Variants in LYPLAL1 observed in about 807,000 individuals in gnomAD.
LYPLAL1 encodes the protein lysophospholipase-like protein 1.
A neutral mutation model predicts 19.7 loss-of-function variants in LYPLAL1; 23 were observed. That is an observed-to-expected ratio of 1.17 (90% CI 0.84 to 1.65). The LOEUF is 1.65. Among genes scored for constraint, LYPLAL1 ranks in the 40% most tolerant of loss-of-function variants. LYPLAL1 has a pLI of 0.00. For synonymous variants in LYPLAL1, 119 were observed against 96.3 expected (o/e 1.24, Z -1.38); for missense variants, 355 against 279.4 (o/e 1.27, Z -1.93).
the LYPLAL1 span, among the ~76,000 whole-genome samples, chr1:219,321,688 AG>A: frequency 6.6e-6 from 1 of 152,200 alleles, no homozygotes; most frequent in Non-Finnish European, 1.5e-5. Context: ...CATCAAAATA[AG>A]GAGGTAGTGA....
At chr1:219,272,062 G>C in the LYPLAL1 span, 1 of 152,196 alleles carries the variant, frequency 6.6e-6, no homozygotes, top group South Asian at 2.1e-4. Context: ...AATATCAGAG[G>C]GTTAGTCAGG....
the LYPLAL1 span, among the ~76,000 whole-genome samples, chr1:219,367,873 C>T: frequency 6.6e-6 from 1 of 151,696 alleles, no homozygotes; most frequent in Admixed American, 6.6e-5. Flanking sequence ...GGGCCATCCA[C>T]TTCCCCAGAC....
At chr1:219,364,805 C>A in the LYPLAL1 span, among the ~76,000 whole-genome samples, 1 of 152,180 alleles carries the variant, frequency 6.6e-6, no homozygotes, top group East Asian at 1.9e-4. Flanking sequence ...TTTTAAACTT[C>A]TAGATAATCA....
chr1:219,407,900 C>A, the LYPLAL1 span, among the ~76,000 whole-genome samples: 3 of 152,128 alleles, frequency 2.0e-5, no homozygotes, highest in Admixed American at 2.0e-4. Context: ...CCTCACATGG[C>A]AGAAACAGGA....
At chr1:219,196,321 C>T (rs991913132) in intron 3 of LYPLAL1, among the ~76,000 whole-genome samples, 2 of 152,118 alleles carry the variant, frequency 1.3e-5, no homozygotes, top group Non-Finnish European at 2.9e-5. Flanking sequence ...TGTTTCTCCA[C>T]AGCCTTGCCA....
At chr1:219,443,760 G>A in the LYPLAL1 span, among the ~76,000 whole-genome samples, 1 of 151,800 alleles carries the variant, frequency 6.6e-6, no homozygotes, top group African/African-American at 2.4e-5. Flanking sequence ...TGAAAGGAAG[G>A]TGAGCTACAC....
chr1:219,366,862 T>C, the LYPLAL1 span, among the ~76,000 whole-genome samples: 1 of 152,026 alleles, frequency 6.6e-6, no homozygotes, highest in Non-Finnish European at 1.5e-5. Context: ...TAGTGTGCAA[T>C]ATCATATCCC....
At chr1:219,434,632 C>A in the LYPLAL1 span, among the ~76,000 whole-genome samples, 70 of 152,342 alleles carry the variant, frequency 4.6e-4, no homozygotes, top group South Asian at 2.1e-3. Flanking sequence ...CCTTTTCCTT[C>A]AGCAATGCTG....
the LYPLAL1 span, among the ~76,000 whole-genome samples, chr1:219,328,695 TTA>T: frequency 6.6e-6 from 1 of 152,152 alleles, no homozygotes; most frequent in South Asian, 2.1e-4. Context: ...TCAATCAAAA[TTA>T]TATACAGTAT....
At chr1:219,389,592 G>A in the LYPLAL1 span, among the ~76,000 whole-genome samples, 10 of 152,074 alleles carry the variant, frequency 6.6e-5, no homozygotes, top group East Asian at 1.9e-4. Context: ...CAAAGTAATC[G>A]GCTCAGAATA....
At chr1:219,332,830 C>CA in the LYPLAL1 span, among the ~76,000 whole-genome samples, 1 of 145,666 alleles carries the variant, frequency 6.9e-6, no homozygotes, top group African/African-American at 2.5e-5. Context: ...CTGCCCCCCC[C>CA]CCCCAAATTA....
At chr1:219,245,727 C>G in the LYPLAL1 span, among the ~76,000 whole-genome samples, 7 of 152,140 alleles carry the variant, frequency 4.6e-5, no homozygotes, top group Non-Finnish European at 8.8e-5. Context: ...TGCTTTATCT[C>G]TGGTAAGCTA....
the LYPLAL1 span, among the ~76,000 whole-genome samples, chr1:219,293,490 A>G: frequency 6.6e-6 from 1 of 151,970 alleles, no homozygotes; most frequent in East Asian, 1.9e-4. Flanking sequence ...ATTTAGTGCA[A>G]TCATATCACT....
chr1:219,276,215 G>A, the LYPLAL1 span, among the ~76,000 whole-genome samples: 1 of 152,118 alleles, frequency 6.6e-6, no homozygotes, highest in African/African-American at 2.4e-5. Flanking sequence ...TTGTGTCTTG[G>A]ACTCTTTTGG....
At chr1:219,356,234 G>A in the LYPLAL1 span, among the ~76,000 whole-genome samples, 1 of 152,172 alleles carries the variant, frequency 6.6e-6, no homozygotes, top group South Asian at 2.1e-4. Context: ...AGGCATGGTG[G>A]CTCATGCCTG....
chr1:219,369,364 C>T, the LYPLAL1 span, among the ~76,000 whole-genome samples: 8 of 152,228 alleles, frequency 5.3e-5, no homozygotes, highest in Non-Finnish European at 1.2e-4. Context: ...CTCCACCTCC[C>T]AGGTTCAAGC....
At chr1:219,234,068 A>G in the LYPLAL1 span, among the ~76,000 whole-genome samples, 1 of 152,248 alleles carries the variant, frequency 6.6e-6, no homozygotes, top group South Asian at 2.1e-4. Context: ...AAGTATTGCT[A>G]TTTTGGGCCA....
chr1:219,195,233 A>C (rs1404607691), intron 3 of LYPLAL1, among the ~76,000 whole-genome samples: 2 of 152,152 alleles, frequency 1.3e-5, no homozygotes, highest in African/African-American at 4.8e-5. Flanking sequence ...AATAACATGT[A>C]ATAATTGGTA....
chr1:219,438,652 A>G, the LYPLAL1 span, among the ~76,000 whole-genome samples: 1 of 152,210 alleles, frequency 6.6e-6, no homozygotes. Flanking sequence ...TTGCATTTAA[A>G]TGTTTTATTG....
Sources: allele counts gnomAD v4.1 joint callset (sites outside exome capture counted in the v4.1 genomes callset), GRCh38; gene constraint gnomAD v4.1.1; transcripts MANE v1.5; gene names NCBI Gene and HGNC (gene_info 2026-07-23, HGNC 2026-07-21).